The following ZBTB20 variants were observed in gnomAD, a reference collection of about 807,000 sequenced individuals.
The protein encoded by ZBTB20 is zinc finger and BTB domain containing 20.
Under a neutral mutation model 56.9 loss-of-function variants are expected in ZBTB20, and 9 were observed. The observed-to-expected ratio is 0.16, with a 90% CI of 0.10 to 0.28. The LOEUF is 0.28. Ranked by LOEUF, ZBTB20 falls within the 10% of genes least tolerant of loss-of-function variation. The pLI is 1.00. For missense variants in ZBTB20, 655 were observed against 1,003.0 expected, an observed-to-expected ratio of 0.65 and a Z score of 4.69; for synonymous variants, 417 against 420.7, an observed-to-expected ratio of 0.99 and a Z score of 0.11.
rs185390537 is a variant in ZBTB20, at chr3:114,768,048, C to T, written c.-343+33053G>A. Among the ~76,000 whole-genome samples the T allele has an allele frequency of 3.7e-3, 561 of 152,220 alleles. 1 individual carries two copies. The highest frequency in any genetic ancestry group is 0.015 in the South Asian group (71 of 4,830). ...ACTCTGAAATTCATCCCTGCACCAT[C>T]TAATTATCCATTAGCTTAATATGAA... On this transcript the variant is annotated intron_variant, in intron 5 of 11. Coordinates refer to ENST00000675478, the MANE Select transcript of ZBTB20 (RefSeq NM_001348800.3).
intron 5 of ZBTB20, among the ~76,000 whole-genome samples, chr3:114,793,963 G>A (rs959812596): frequency 1.3e-5 from 2 of 151,868 alleles, no homozygotes; most frequent in Admixed American, 1.3e-4. Flanking sequence ...CAGTCTTTTA[G>A]ACATTTGGGC....
chr3:115,130,585 G>A (rs942330450), intron 1 of ZBTB20, among the ~76,000 whole-genome samples: 1 of 152,102 alleles, frequency 6.6e-6, no homozygotes, highest in Non-Finnish European at 1.5e-5. Context: ...AATGCTAGAA[G>A]AACATCTGAA....
At chr3:114,634,059 A>C (rs2059120442) in intron 6 of ZBTB20, among the ~76,000 whole-genome samples, 1 of 152,284 alleles carries the variant, frequency 6.6e-6, no homozygotes, top group Non-Finnish European at 1.5e-5. Flanking sequence ...ATTCGTTAAC[A>C]TATGTTGAAT....
chr3:114,554,153 A>G (rs2050915286), intron 6 of ZBTB20, among the ~76,000 whole-genome samples: 1 of 152,184 alleles, frequency 6.6e-6, no homozygotes, highest in Admixed American at 6.5e-5. Context: ...AGATGAGGTC[A>G]TCATTTTCAT....
At chr3:114,855,766 G>A (rs1560326304) in intron 4 of ZBTB20, among the ~76,000 whole-genome samples, 1 of 152,170 alleles carries the variant, frequency 6.6e-6, no homozygotes, top group Non-Finnish European at 1.5e-5. Flanking sequence ...GCAGGAGAAG[G>A]CAGTGCCTCC....
intron 7 of ZBTB20, among the ~76,000 whole-genome samples, chr3:114,401,080 C>A (rs921922383): frequency 4.6e-5 from 2 of 43,736 alleles, no homozygotes; most frequent in Non-Finnish European, 8.0e-5. Context: ...TGTCTACCTC[C>A]CAGACACACA....
At chr3:114,921,029 C>A (rs896237264) in intron 3 of ZBTB20, among the ~76,000 whole-genome samples, 3 of 152,130 alleles carry the variant, frequency 2.0e-5, no homozygotes, top group African/African-American at 7.2e-5. Flanking sequence ...GCAAAGACTG[C>A]ATCATAAATA....
chr3:114,886,838 C>A (rs1169490776), intron 4 of ZBTB20, among the ~76,000 whole-genome samples: 1 of 152,178 alleles, frequency 6.6e-6, no homozygotes, highest in Non-Finnish European at 1.5e-5. Flanking sequence ...TAAACTTTGT[C>A]AAATACCGAG....
At chr3:115,073,974 T>C (rs549827384) in intron 1 of ZBTB20, among the ~76,000 whole-genome samples, 38 of 152,230 alleles carry the variant, frequency 2.5e-4, no homozygotes, top group African/African-American at 7.9e-4. Flanking sequence ...TGGTCCATAA[T>C]TAGTGAAAAT....
At chr3:115,059,270 C>T (rs965611516) in intron 2 of ZBTB20, among the ~76,000 whole-genome samples, 1 of 152,114 alleles carries the variant, frequency 6.6e-6, no homozygotes, top group African/African-American at 2.4e-5. Context: ...TTGTTGACTG[C>T]TGAATTTTGT....
intron 3 of ZBTB20, among the ~76,000 whole-genome samples, chr3:114,903,307 T>C (rs1419317087): frequency 1.3e-5 from 2 of 152,112 alleles, no homozygotes; most frequent in African/African-American, 4.8e-5. Context: ...TATAGCCATA[T>C]AAAGGAACTA....
At chr3:114,423,896 G>A (rs938332954) in intron 7 of ZBTB20, among the ~76,000 whole-genome samples, 1 of 152,182 alleles carries the variant, frequency 6.6e-6, no homozygotes, top group African/African-American at 2.4e-5. Context: ...GTATGTGTAT[G>A]ATTCAATGAC....
intron 5 of ZBTB20, among the ~76,000 whole-genome samples, chr3:114,753,753 A>G (rs1401342416): frequency 2.6e-5 from 4 of 152,000 alleles, no homozygotes; most frequent in Non-Finnish European, 4.4e-5. Flanking sequence ...TTTTATATTA[A>G]GTAATTTTGT....
intron 7 of ZBTB20, among the ~76,000 whole-genome samples, chr3:114,402,020 T>C (rs1214553347): frequency 6.6e-6 from 1 of 152,192 alleles, no homozygotes; most frequent in Non-Finnish European, 1.5e-5. Flanking sequence ...TCATGTAAAT[T>C]GGACTGGGGA....
chr3:115,069,590 G>A (rs879137181), intron 2 of ZBTB20, among the ~76,000 whole-genome samples: 1 of 151,794 alleles, frequency 6.6e-6, no homozygotes, highest in Non-Finnish European at 1.5e-5. Flanking sequence ...CATAAATCCT[G>A]AGAAAAAAAG....
intron 6 of ZBTB20, among the ~76,000 whole-genome samples, chr3:114,649,445 A>G (rs930942275): frequency 2.0e-5 from 3 of 151,978 alleles, no homozygotes; most frequent in African/African-American, 7.2e-5. Flanking sequence ...TCTTTTCTAA[A>G]GAAACCACTA....
intron 3 of ZBTB20, among the ~76,000 whole-genome samples, chr3:114,922,912 T>C (rs988544184): frequency 2.0e-5 from 3 of 152,138 alleles, no homozygotes; most frequent in Admixed American, 6.5e-5. Context: ...ATAGCTAACA[T>C]TGGGATCAAA....
chr3:115,089,338 A>C (rs926607635), intron 1 of ZBTB20, among the ~76,000 whole-genome samples: 5 of 151,806 alleles, frequency 3.3e-5, no homozygotes, highest in African/African-American at 7.3e-5. Context: ...CTTCATAGCA[A>C]AGGCATGGTG....
chr3:115,107,871 C>G (rs1467400515), intron 1 of ZBTB20, among the ~76,000 whole-genome samples: 1 of 152,136 alleles, frequency 6.6e-6, no homozygotes, highest in Non-Finnish European at 1.5e-5. Context: ...AGACATAATC[C>G]TCAGCAAACT....
Sources: allele counts gnomAD v4.1 joint callset (sites outside exome capture counted in the v4.1 genomes callset), GRCh38; gene constraint gnomAD v4.1.1; transcripts MANE v1.5; gene names NCBI Gene and HGNC (gene_info 2026-07-23, HGNC 2026-07-21).